Variants in TNNI3K observed in about 807,000 individuals in gnomAD.
TNNI3K encodes the protein serine/threonine-protein kinase TNNI3K.
Under a neutral mutation model 114.5 loss-of-function variants are expected in TNNI3K, and 140 were observed. That is an observed-to-expected ratio of 1.22 (90% confidence interval 1.07 to 1.41). TNNI3K has a LOEUF of 1.41. Ranked by LOEUF, TNNI3K falls within the 40% of genes most tolerant of loss-of-function variation. The pLI, the probability that TNNI3K is intolerant of heterozygous loss-of-function variation, is 0.00. For synonymous variants in TNNI3K, 347 were observed against 347.5 expected, an observed-to-expected ratio of 1.00 and a Z score of 0.02; for missense variants, 1,125 against 1,007.6, an observed-to-expected ratio of 1.12 and a Z score of -1.58.
chr1:74,310,489 A>G (rs999738085), intron 5 of TNNI3K, among the ~76,000 whole-genome samples: 3 of 152,160 alleles, frequency 2.0e-5, no homozygotes, highest in Admixed American at 1.3e-4. Flanking sequence ...CATGGAACCA[A>G]AAAATACCCT....
chr1:74,333,377 A>G (rs1660311351), intron 6 of TNNI3K, among the ~76,000 whole-genome samples: 1 of 152,236 alleles, frequency 6.6e-6, no homozygotes, highest in Admixed American at 6.5e-5. Context: ...CAAGTAATGG[A>G]AAAATCCCAT....
At chr1:74,491,382 G>A (rs1030689602) in intron 22 of TNNI3K, among the ~76,000 whole-genome samples, 1 of 152,168 alleles carries the variant, frequency 6.6e-6, no homozygotes, top group Admixed American at 6.5e-5. Flanking sequence ...ACCACTCCCA[G>A]CTAATTTTTG....
chr1:74,314,208 A>C (rs991013779), intron 5 of TNNI3K, among the ~76,000 whole-genome samples: 1 of 150,426 alleles, frequency 6.6e-6, no homozygotes, highest in African/African-American at 2.4e-5. Flanking sequence ...AGGGCCTGCT[A>C]TATTTTTTCA....
intron 11 of TNNI3K, among the ~76,000 whole-genome samples, chr1:74,354,863 G>A (rs1356376832): frequency 1.3e-5 from 2 of 152,174 alleles, no homozygotes; most frequent in African/African-American, 4.8e-5. Flanking sequence ...ATTTTAGTGT[G>A]ATAACAGTGG....
In TNNI3K at chr1:74,342,851, A is replaced by C. The variant is rs1660815969; in HGVS notation, c.692A>C (p.Gln231Pro). The C allele has an allele frequency of 6.2e-7, 1 of 1,613,696 alleles. No individual in the cohort carries two copies. The highest frequency in any genetic ancestry group is 8.5e-7 in the Non-Finnish European group (1 of 1,179,818). ...TTCTTGCTGATAACAGTGAATGCTC[A>C]AGATAATGAAGACCATGTCCCACTC... ...EEGSKADVNA[Q>P]DNEDHVPLHF... is the part of the protein sequence containing the mutation. The change falls in exon 8 of 25, where the codon CAA becomes CCA. Residue 231 changes from glutamine (Q) to proline (P), a missense_variant. By Grantham distance (76) the Gln-to-Pro change is moderately conservative. Transcript: ENST00000326637.
chr1:74,499,838 A>G (rs1157399068), intron 23 of TNNI3K, among the ~76,000 whole-genome samples: 1 of 152,082 alleles, frequency 6.6e-6, no homozygotes, highest in African/African-American at 2.4e-5. Flanking sequence ...AAGAGTTTAC[A>G]ATTTTCTTTA....
At chr1:74,457,129 TG>T (rs2100709703) in intron 20 of TNNI3K, among the ~76,000 whole-genome samples, 1 of 152,312 alleles carries the variant, frequency 6.6e-6, no homozygotes, top group South Asian at 2.1e-4. Flanking sequence ...GCTAAATTTC[TG>T]AAATCTTATG....
At chr1:74,436,251 T>C in intron 18 of TNNI3K, 119 bp downstream of exon 18, 8 of 1,319,136 alleles carry the variant, frequency 6.1e-6, no homozygotes, top group Non-Finnish European at 7.4e-6. Flanking sequence ...CACTGAACAC[T>C]GACAGCTATC....
rs533704736 is a variant in TNNI3K, at chr1:74,288,650, C to T, written c.444+16942C>T. On this transcript the variant is annotated intron_variant, in intron 5 of 24. Transcript: ENST00000326637. ...ACAGGGATGCGTTGGTCAAAGGATACGAAGTTTTAGTTATGAAGAATGAAT... is the reference window on the plus strand; with the variant it reads ...ACAGGGATGCGTTGGTCAAAGGATATGAAGTTTTAGTTATGAAGAATGAAT... Among the ~76,000 whole-genome samples the T allele has an allele frequency of 2.1e-3, 322 of 151,880 alleles. 1 individual carries two copies. The highest frequency in any genetic ancestry group is 3.8e-3 in the Non-Finnish European group (257 of 67,882).
intron 17 of TNNI3K, chr1:74,370,780 G>T (rs1279003146): frequency 1.3e-5 from 2 of 154,422 alleles, no homozygotes; most frequent in African/African-American, 4.8e-5. Context: ...AACGTACTTT[G>T]TGCTACCGTA....
At chr1:74,393,341 T>C (rs1354523562) in intron 17 of TNNI3K, among the ~76,000 whole-genome samples, 1 of 152,144 alleles carries the variant, frequency 6.6e-6, no homozygotes, top group African/African-American at 2.4e-5. Flanking sequence ...AGCATTTTCT[T>C]TGTATCAGCA....
chr1:74,491,569 A>C (rs550394501), intron 22 of TNNI3K, among the ~76,000 whole-genome samples: 1 of 152,326 alleles, frequency 6.6e-6, no homozygotes, highest in African/African-American at 2.4e-5. Context: ...AACATCTGAA[A>C]AACTATCACA....
chr1:74,506,662 C>T (rs1041913334), intron 23 of TNNI3K, among the ~76,000 whole-genome samples: 8 of 152,188 alleles, frequency 5.3e-5, no homozygotes, highest in Non-Finnish European at 7.3e-5. Context: ...GGCCCCACAC[C>T]GGACCTGCCG....
At chr1:74,483,563 G>A (rs894591409) in intron 21 of TNNI3K, among the ~76,000 whole-genome samples, 4 of 152,110 alleles carry the variant, frequency 2.6e-5, no homozygotes, top group Non-Finnish European at 5.9e-5. Context: ...AAATGTTAAA[G>A]CATTTGACTA....
At chr1:74,296,609 C>G (rs1248661234) in intron 5 of TNNI3K, among the ~76,000 whole-genome samples, 2 of 151,912 alleles carry the variant, frequency 1.3e-5, no homozygotes, top group Non-Finnish European at 2.9e-5. Context: ...CTTTAATGCA[C>G]ATATACTGGG....
intron 5 of TNNI3K, among the ~76,000 whole-genome samples, chr1:74,290,572 A>G (rs1657616824): frequency 6.6e-6 from 1 of 151,822 alleles, no homozygotes; most frequent in South Asian, 2.1e-4. Context: ...GTGCATGGAT[A>G]TGGTGGGACA....
intron 4 of TNNI3K, among the ~76,000 whole-genome samples, chr1:74,259,202 A>T (rs1289591199): frequency 2.0e-5 from 3 of 152,174 alleles, no homozygotes; most frequent in Admixed American, 1.3e-4. Flanking sequence ...GGAGCCCAAA[A>T]GTCCCACGAT....
intron 17 of TNNI3K, among the ~76,000 whole-genome samples, chr1:74,398,966 C>A (rs934261581): frequency 6.6e-6 from 1 of 151,764 alleles, no homozygotes; most frequent in Non-Finnish European, 1.5e-5. Flanking sequence ...ACCAGCCTGG[C>A]CAACATGGTT....
chr1:74,522,084 T>G (rs1011597029), intron 23 of TNNI3K, among the ~76,000 whole-genome samples: 1 of 152,158 alleles, frequency 6.6e-6, no homozygotes, highest in Non-Finnish European at 1.5e-5. Context: ...TTTCCAATTC[T>G]CTCATGCTGA....
Sources: allele counts gnomAD v4.1 joint callset (sites outside exome capture counted in the v4.1 genomes callset), GRCh38; gene constraint gnomAD v4.1.1; transcripts MANE v1.5; gene names NCBI Gene and HGNC (gene_info 2026-07-23, HGNC 2026-07-21).